The following CNTNAP2 variants were observed in gnomAD, a reference collection of about 807,000 sequenced individuals.
CNTNAP2 encodes contactin-associated protein-like 2.
In CNTNAP2, 98 loss-of-function variants were observed where a neutral mutation model predicts 155.2. That is an observed-to-expected ratio of 0.63 (90% CI 0.54 to 0.75). CNTNAP2 has a LOEUF of 0.75. Among genes scored for constraint, CNTNAP2 ranks in the 30% least tolerant of loss-of-function variants. CNTNAP2 has a pLI of 0.00. For synonymous variants in CNTNAP2, 651 were observed against 631.2 expected (o/e 1.03, Z -0.47); for missense variants, 1,727 against 1,688.1 (o/e 1.02, Z -0.40).
intron 9 of CNTNAP2, among the ~76,000 whole-genome samples, chr7:147,346,123 C>T (rs1227056789): frequency 1.4e-5 from 2 of 147,766 alleles, no homozygotes; most frequent in Admixed American, 7.0e-5. Context: ...GTCCCATAAT[C>T]GAAGATTTTA....
chr7:146,818,190 G>T (rs776379668), intron 2 of CNTNAP2, among the ~76,000 whole-genome samples: 1 of 151,878 alleles, frequency 6.6e-6, no homozygotes, highest in Non-Finnish European at 1.5e-5. Flanking sequence ...TTATGAATTG[G>T]CAAGTTCTCT....
At chr7:146,606,002 C>T (rs1199878051) in intron 1 of CNTNAP2, among the ~76,000 whole-genome samples, 3 of 152,034 alleles carry the variant, frequency 2.0e-5, no homozygotes, top group Non-Finnish European at 2.9e-5. Flanking sequence ...TTGTTATTCC[C>T]TAAGGTCAAC....
At position 146,300,002 on chromosome 7, in the gene CNTNAP2, C is replaced by T. The variant is rs1050481678; in HGVS notation, c.97+183029C>T. On this transcript the variant is annotated intron_variant, in intron 1 of 23. Transcript: ENST00000361727. ...GACCATGGAAGTAATATAAGCTGGT[C>T]GTTTAGAAAATTTCATCAATTGCGT... 6.6e-5 allele frequency among the ~76,000 whole-genome samples: 10 copies of T among 152,118 alleles called. No individual in the cohort carries two copies. In the East Asian group the frequency reaches 1.7e-3, roughly 26 times the overall value.
At chr7:147,397,967 CT>C (rs139439367) in intron 10 of CNTNAP2, among the ~76,000 whole-genome samples, 124 of 151,154 alleles carry the variant, frequency 8.2e-4, no homozygotes, top group African/African-American at 2.7e-3. Context: ...TTAGCTTACA[CT>C]TTTTTTTTAA....
intron 1 of CNTNAP2, among the ~76,000 whole-genome samples, chr7:146,482,635 CG>C (rs761535055): frequency 2.0e-5 from 3 of 151,550 alleles, no homozygotes; most frequent in South Asian, 2.1e-4. Flanking sequence ...CCCAGCTACT[CG>C]GGAGGTTGAG....
chr7:147,535,377 G>A (rs1166034765), intron 11 of CNTNAP2, among the ~76,000 whole-genome samples: 1 of 152,122 alleles, frequency 6.6e-6, no homozygotes, highest in Non-Finnish European at 1.5e-5. Flanking sequence ...GAGCGAAAGA[G>A]TGAGACTCTG....
intron 1 of CNTNAP2, among the ~76,000 whole-genome samples, chr7:146,513,548 G>T (rs951406509): frequency 2.0e-5 from 3 of 150,604 alleles, no homozygotes; most frequent in African/African-American, 5.0e-5. Flanking sequence ...ACAAAGAAAA[G>T]ATACAGAAAC....
At chr7:146,184,916 A>G (rs1798600918) in intron 1 of CNTNAP2, among the ~76,000 whole-genome samples, 1 of 152,074 alleles carries the variant, frequency 6.6e-6, no homozygotes, top group African/African-American at 2.4e-5. Context: ...TCTATTTTAC[A>G]AGTGTCACTA....
Position 147,728,185 on chromosome 7 carries a change from GT to G in CNTNAP2, c.2098+88880del, listed in dbSNP as rs1796676524. 2.0e-5 allele frequency among the ~76,000 whole-genome samples: 3 copies of G among 151,662 alleles called. No homozygotes were observed. The East Asian group carries it at 5.9e-4, about 30-fold the overall frequency. On this transcript the variant is annotated intron_variant, in intron 13 of 23. Transcript: ENST00000361727. ...GTATACACACACAATGTGTGTGTGT[GT>G]GTGTGTGTGTGATCAATTCTTTCAG...
chr7:146,981,362 TG>T (rs1425565281), intron 3 of CNTNAP2, among the ~76,000 whole-genome samples: 2 of 152,216 alleles, frequency 1.3e-5, no homozygotes. Flanking sequence ...AACAAGTACA[TG>T]TGTATTACTA....
intron 21 of CNTNAP2, among the ~76,000 whole-genome samples, chr7:148,272,266 T>C (rs1014441797): frequency 6.6e-6 from 1 of 152,174 alleles, no homozygotes; most frequent in Non-Finnish European, 1.5e-5. Context: ...AGGAGAAATC[T>C]CACTAGACAT....
At chr7:146,475,004 C>CGT (rs1228539100) in intron 1 of CNTNAP2, among the ~76,000 whole-genome samples, 1 of 124,744 alleles carries the variant, frequency 8.0e-6, no homozygotes, top group Non-Finnish European at 1.7e-5. Flanking sequence ...CGCGCACGCG[C>CGT]GCGCGCGCGC....
intron 1 of CNTNAP2, among the ~76,000 whole-genome samples, chr7:146,250,416 A>G (rs897854334): frequency 6.6e-6 from 1 of 152,132 alleles, no homozygotes; most frequent in Non-Finnish European, 1.5e-5. Flanking sequence ...GTACTTACTA[A>G]TTATAATTTA....
chr7:146,441,865 A>G lies in CNTNAP2; in HGVS notation c.97+324892A>G, dbSNP rs193286053. Among the ~76,000 whole-genome samples the G allele has an allele frequency of 2.3e-3, 344 of 151,786 alleles. 2 individuals are homozygous for G. Among genetic ancestry groups the G allele is most frequent in the Admixed American group, 3.6e-3 (55 of 15,278 alleles). On this transcript the variant is annotated intron_variant, in intron 1 of 23. Coordinates refer to ENST00000361727, the MANE Select transcript of CNTNAP2 (RefSeq NM_014141.6). ...CCAAGAAGTCTCATGGAAGAAACAA[A>G]CAAACAAAAGAGGGTAAAATTGGAA...
intron 1 of CNTNAP2, among the ~76,000 whole-genome samples, chr7:146,425,920 T>C (rs986876712): frequency 6.6e-6 from 1 of 151,906 alleles, no homozygotes; most frequent in African/African-American, 2.4e-5. Context: ...GCCTGGTGGC[T>C]CATGCCTATA....
chr7:146,169,501 T>C lies in CNTNAP2; in HGVS notation c.97+52528T>C, dbSNP rs549474367. 2.0e-5 allele frequency among the ~76,000 whole-genome samples: 3 copies of C among 152,318 alleles called. No individual in the cohort carries two copies. In the East Asian group the frequency reaches 5.8e-4, roughly 29 times the overall value. ...CACGTAGTTACCTTATTTTTTGTGA[T>C]GAGAACACTTAAGATCTATTCTCTT... On this transcript the variant is annotated intron_variant, in intron 1 of 23. Coordinates refer to ENST00000361727, the MANE Select transcript of CNTNAP2 (RefSeq NM_014141.6).
chr7:146,827,256 A>T (rs773659515), intron 2 of CNTNAP2, among the ~76,000 whole-genome samples: 24 of 152,172 alleles, frequency 1.6e-4, no homozygotes, highest in Non-Finnish European at 3.5e-4. Context: ...TCTTGACTTA[A>T]AAACAATGGG....
At chr7:148,135,082 A>G (rs936427346) in intron 16 of CNTNAP2, among the ~76,000 whole-genome samples, 1 of 152,156 alleles carries the variant, frequency 6.6e-6, no homozygotes, top group Non-Finnish European at 1.5e-5. Context: ...CCATACCAGA[A>G]TCTCCAAGAG....
intron 1 of CNTNAP2, among the ~76,000 whole-genome samples, chr7:146,773,960 C>G (rs1207198628): frequency 1.3e-5 from 2 of 152,098 alleles, no homozygotes; most frequent in Non-Finnish European, 2.9e-5. Flanking sequence ...CCAGGAGATG[C>G]CAGATACCAA....
Sources: allele counts gnomAD v4.1 joint callset (sites outside exome capture counted in the v4.1 genomes callset), GRCh38; gene constraint gnomAD v4.1.1; transcripts MANE v1.5; gene names NCBI Gene and HGNC (gene_info 2026-07-23, HGNC 2026-07-21).